The following CCDC192 variants were observed in gnomAD, a reference collection of about 807,000 sequenced individuals.
CCDC192 encodes coiled-coil domain-containing protein 192.
At chr5:127,786,631 G>A (rs2126945032) in intron 3 of CCDC192, 2 of 758,446 alleles carry the variant, frequency 2.6e-6, no homozygotes, top group South Asian at 2.7e-5. Flanking sequence ...TGTCTACTGA[G>A]GTAGGCACAA....
chr5:127,752,819 G>C (rs535954889), intron 2 of CCDC192, among the ~76,000 whole-genome samples: 109 of 152,310 alleles, frequency 7.2e-4, no homozygotes, highest in Non-Finnish European at 1.2e-3. Flanking sequence ...CTCGTGGTGC[G>C]CCGTTTTTTA....
chr5:127,841,720 C>T (rs781596722), intron 5 of CCDC192, among the ~76,000 whole-genome samples: 1 of 152,116 alleles, frequency 6.6e-6, no homozygotes, highest in Non-Finnish European at 1.5e-5. Context: ...ACGGAGTTGT[C>T]CAACGTGTGT....
intron 2 of CCDC192, among the ~76,000 whole-genome samples, chr5:127,720,090 C>G (rs1454559835): frequency 1.3e-5 from 2 of 152,230 alleles, no homozygotes; most frequent in East Asian, 3.9e-4. Context: ...AACAATCTCC[C>G]AAGTCTTAAA....
chr5:127,717,163 A>G (rs146614848), intron 2 of CCDC192, among the ~76,000 whole-genome samples: 68 of 152,290 alleles, frequency 4.5e-4, no homozygotes, highest in African/African-American at 1.5e-3. Context: ...TCTGCTTGCA[A>G]ACTTCAGGGA....
chr5:127,779,748 C>T (rs1361192705), intron 3 of CCDC192, among the ~76,000 whole-genome samples: 14 of 151,712 alleles, frequency 9.2e-5, no homozygotes, highest in Admixed American at 9.2e-4. Context: ...TTTATTTTTC[C>T]ATAGGTTATT....
chr5:127,837,910 C>T (rs189137384), intron 5 of CCDC192, among the ~76,000 whole-genome samples: 2 of 152,274 alleles, frequency 1.3e-5, no homozygotes, highest in African/African-American at 4.8e-5. Context: ...ATTGCTTGAA[C>T]CCAGGAGGCG....
chr5:127,705,663 G>C (rs1269304551), intron 1 of CCDC192, among the ~76,000 whole-genome samples: 1 of 152,128 alleles, frequency 6.6e-6, no homozygotes, highest in Non-Finnish European at 1.5e-5. Context: ...GGCCTTCAGG[G>C]AGAGGCAGCA....
intron 6 of CCDC192, among the ~76,000 whole-genome samples, chr5:127,901,177 T>G (rs537737391): frequency 2.4e-4 from 37 of 152,328 alleles, no homozygotes; most frequent in African/African-American, 8.9e-4. Context: ...CTCTTTCTTT[T>G]TATGAAGTTT....
chr5:127,724,856 A>T (rs1752230220), intron 2 of CCDC192, among the ~76,000 whole-genome samples: 1 of 151,552 alleles, frequency 6.6e-6, no homozygotes, highest in Admixed American at 6.6e-5. Flanking sequence ...TCAAAAAAAA[A>T]AAAAAAAGAA....
chr5:127,801,794 T>A (rs1467043276), intron 5 of CCDC192, among the ~76,000 whole-genome samples: 3 of 152,210 alleles, frequency 2.0e-5, no homozygotes, highest in Non-Finnish European at 4.4e-5. Flanking sequence ...CAAAGAATGA[T>A]TCCTGAATTG....
intron 1 of CCDC192, among the ~76,000 whole-genome samples, chr5:127,704,977 T>C (rs1259067619): frequency 3.3e-5 from 5 of 152,072 alleles, no homozygotes; most frequent in Admixed American, 3.3e-4. Context: ...GACATTTCAT[T>C]TAAAGGAAGG....
At chr5:127,841,759 G>A (rs1465275604) in intron 5 of CCDC192, among the ~76,000 whole-genome samples, 2 of 152,192 alleles carry the variant, frequency 1.3e-5, no homozygotes, top group Non-Finnish European at 2.9e-5. Flanking sequence ...CATGAGCCAT[G>A]ACCCAAGCCT....
At chr5:127,911,415 G>T (rs1038461750) in intron 6 of CCDC192, among the ~76,000 whole-genome samples, 4 of 152,154 alleles carry the variant, frequency 2.6e-5, no homozygotes, top group African/African-American at 9.7e-5. Flanking sequence ...CATGGCTCTG[G>T]AGACATTACC....
intron 6 of CCDC192, among the ~76,000 whole-genome samples, chr5:127,926,432 GT>G (rs758602533): frequency 6.6e-6 from 1 of 152,156 alleles, no homozygotes; most frequent in Admixed American, 6.5e-5. Flanking sequence ...TGATAAACTA[GT>G]ACCCCATAGA....
chr5:127,715,408 A>T (rs534838824), intron 2 of CCDC192, among the ~76,000 whole-genome samples: 13 of 152,270 alleles, frequency 8.5e-5, no homozygotes, highest in African/African-American at 3.1e-4. Flanking sequence ...ATTATTGGCA[A>T]CTTTGTTGAA....
At chr5:127,755,809 G>A (rs1290412259) in intron 3 of CCDC192, among the ~76,000 whole-genome samples, 9 of 145,764 alleles carry the variant, frequency 6.2e-5, no homozygotes, top group Non-Finnish European at 1.2e-4. Context: ...TTTTTTTTTT[G>A]GTAATCAAAT....
chr5:127,851,963 G>T (rs1750816017), intron 5 of CCDC192, among the ~76,000 whole-genome samples: 1 of 152,092 alleles, frequency 6.6e-6, no homozygotes, highest in African/African-American at 2.4e-5. Context: ...ATATATTGAG[G>T]GTTGTAAATA....
chr5:127,736,756 C>T (rs1398599375), intron 2 of CCDC192, among the ~76,000 whole-genome samples: 3 of 150,450 alleles, frequency 2.0e-5, no homozygotes, highest in African/African-American at 7.4e-5. Context: ...GTTTGTATTT[C>T]TGTGGGATCG....
chr5:127,825,351 TCTC>T (rs1405026914), intron 5 of CCDC192, among the ~76,000 whole-genome samples: 1 of 152,184 alleles, frequency 6.6e-6, no homozygotes, highest in Non-Finnish European at 1.5e-5. Flanking sequence ...AGTAGAAATA[TCTC>T]CTCATCAGTC....
Sources: allele counts gnomAD v4.1 joint callset (sites outside exome capture counted in the v4.1 genomes callset), GRCh38; gene constraint gnomAD v4.1.1; transcripts MANE v1.5; gene names NCBI Gene and HGNC (gene_info 2026-07-23, HGNC 2026-07-21).